The following LPAR1 variants were observed in gnomAD, a reference collection of about 807,000 sequenced individuals.
LPAR1 encodes the protein LPA receptor 1.
A neutral mutation model predicts 23.8 loss-of-function variants in LPAR1; 5 were observed. That is an observed-to-expected ratio of 0.21 (90% CI 0.11 to 0.44). The LOEUF (loss-of-function observed/expected upper bound fraction) is 0.44. Among genes scored for constraint, LPAR1 ranks in the 20% least tolerant of loss-of-function variants. The pLI is 0.99. For missense variants in LPAR1, 311 were observed against 482.8 expected (o/e 0.64, Z 3.33); for synonymous variants, 160 against 164.7 (o/e 0.97, Z 0.22).
rs2078794270 is a variant in LPAR1 at position 110,875,152 on chromosome 9, C to T, written c.*269G>A. 1 of 366,262 alleles carries T rather than the reference C, an allele frequency of 2.7e-6. No homozygotes were observed. 22.7% of individuals were successfully genotyped at this position (366,262 alleles called of 1,614,324 possible). On this transcript the variant is annotated 3_prime_UTR_variant, in exon 6 of 6. Coordinates refer to ENST00000683809, the MANE Select transcript of LPAR1 (RefSeq NM_001351411.2). ...GTTAGTGTAGTCTAAATGGACACTCCAGAGTCTGTTCTTGAATTCCATTGC... is the reference window on the plus strand; with the variant it reads ...GTTAGTGTAGTCTAAATGGACACTCTAGAGTCTGTTCTTGAATTCCATTGC...
chr9:110,875,334 A>C lies in LPAR1; in HGVS notation c.*87T>G, dbSNP rs1441181875. 4 of 1,199,002 alleles carry C rather than the reference A, an allele frequency of 3.3e-6. No individual in the cohort carries two copies. Among genetic ancestry groups the C allele is most frequent in the Non-Finnish European group, 4.6e-6 (4 of 868,510 alleles). 74.3% of individuals were successfully genotyped at this position (1,199,002 alleles called of 1,614,324 possible). A position where few individuals can be genotyped will look rare whatever the true frequency, so the allele number is the denominator to read the frequency against. On this transcript the variant is annotated 3_prime_UTR_variant, in exon 6 of 6. Coordinates refer to ENST00000683809, the MANE Select transcript of LPAR1 (RefSeq NM_001351411.2). ...CATGAGTTGACTTTTCTCCTCTCTCACACCCCACCTTGCCCTGGCAATTGG... is the reference window on the plus strand; with the variant it reads ...CATGAGTTGACTTTTCTCCTCTCTCCCACCCCACCTTGCCCTGGCAATTGG...
chr9:110,928,744 T>C (rs977302154), intron 5 of LPAR1, among the ~76,000 whole-genome samples: 2 of 151,994 alleles, frequency 1.3e-5, no homozygotes, highest in Non-Finnish European at 2.9e-5. Flanking sequence ...TACAAAGGAG[T>C]ACCACGTGCT....
intron 2 of LPAR1, among the ~76,000 whole-genome samples, chr9:111,033,314 A>G (rs902838069): frequency 2.0e-5 from 3 of 152,168 alleles, no homozygotes; most frequent in African/African-American, 7.2e-5. Flanking sequence ...AAAATGCCAA[A>G]GAGTTTAAAT....
At chr9:110,991,872 C>T (rs1372970544) in intron 2 of LPAR1, among the ~76,000 whole-genome samples, 2 of 152,042 alleles carry the variant, frequency 1.3e-5, no homozygotes, top group African/African-American at 4.8e-5. Flanking sequence ...GGATTACAGG[C>T]GTGAGCCACC....
chr9:110,951,117 C>T (rs2095557040), intron 4 of LPAR1, among the ~76,000 whole-genome samples: 1 of 152,112 alleles, frequency 6.6e-6, no homozygotes, highest in South Asian at 2.1e-4. Flanking sequence ...AATGACGTAT[C>T]TGTTCATTCA....
chr9:111,025,748 T>G (rs1166428816), intron 2 of LPAR1, among the ~76,000 whole-genome samples: 1 of 152,210 alleles, frequency 6.6e-6, no homozygotes, highest in Non-Finnish European at 1.5e-5. Context: ...GGGGTCCAGT[T>G]TCACTTTTCT....
chr9:110,885,502 TC>T (rs1370821507), intron 5 of LPAR1, among the ~76,000 whole-genome samples: 2 of 152,174 alleles, frequency 1.3e-5, no homozygotes, highest in African/African-American at 4.8e-5. Context: ...AGAATAATGT[TC>T]CAAAAATATG....
intron 5 of LPAR1, among the ~76,000 whole-genome samples, chr9:110,900,891 T>C (rs1000228242): frequency 1.3e-5 from 2 of 152,226 alleles, no homozygotes; most frequent in Non-Finnish European, 2.9e-5. Context: ...TTTTAGATTT[T>C]TGCTCATATG....
intron 2 of LPAR1, among the ~76,000 whole-genome samples, chr9:111,028,135 T>TTC (rs1320380562): frequency 6.6e-6 from 1 of 151,202 alleles, no homozygotes; most frequent in African/African-American, 2.4e-5. Context: ...AATAAGAATT[T>TTC]TTTTTTTTTT....
intron 2 of LPAR1, among the ~76,000 whole-genome samples, chr9:111,023,371 A>G (rs2097603932): frequency 6.6e-6 from 1 of 152,170 alleles, no homozygotes; most frequent in Admixed American, 6.5e-5. Flanking sequence ...CAGAGTTAAC[A>G]CATTCTCATC....
At chr9:111,011,343 A>G (rs2097327904) in intron 2 of LPAR1, among the ~76,000 whole-genome samples, 1 of 152,146 alleles carries the variant, frequency 6.6e-6, no homozygotes, top group African/African-American at 2.4e-5. Context: ...TGCAGAATCT[A>G]TTCTCTATGT....
chr9:110,957,408 A>G (rs2095800923), intron 4 of LPAR1, among the ~76,000 whole-genome samples: 1 of 152,070 alleles, frequency 6.6e-6, no homozygotes, highest in Non-Finnish European at 1.5e-5. Flanking sequence ...AGTAGGATTT[A>G]TCCCATGGAT....
chr9:111,035,236 T>G (rs2097871073), intron 2 of LPAR1, among the ~76,000 whole-genome samples: 1 of 152,170 alleles, frequency 6.6e-6, no homozygotes, highest in Non-Finnish European at 1.5e-5. Context: ...AAGATTTTTT[T>G]TTTTAAGAGA....
chr9:110,985,565 C>CTTA (rs2096763127), intron 2 of LPAR1, among the ~76,000 whole-genome samples: 1 of 151,978 alleles, frequency 6.6e-6, no homozygotes, highest in African/African-American at 2.4e-5. Context: ...TCATGATGGG[C>CTTA]CAGGTCAGGT....
At chr9:110,889,727 T>C (rs551069583) in intron 5 of LPAR1, among the ~76,000 whole-genome samples, 3 of 152,296 alleles carry the variant, frequency 2.0e-5, no homozygotes, top group East Asian at 3.9e-4. Context: ...GCTGTACAAA[T>C]AGCATATTGT....
chr9:111,009,224 T>C (rs1311921131), intron 2 of LPAR1, among the ~76,000 whole-genome samples: 2 of 152,130 alleles, frequency 1.3e-5, no homozygotes, highest in African/African-American at 2.4e-5. Flanking sequence ...AAACACAGTA[T>C]TTCAAATTAG....
At chr9:111,034,186 T>G (rs1345725533) in intron 2 of LPAR1, among the ~76,000 whole-genome samples, 1 of 152,230 alleles carries the variant, frequency 6.6e-6, no homozygotes, top group Non-Finnish European at 1.5e-5. Context: ...CTACTTGGCT[T>G]CCCTCTCTCC....
intron 4 of LPAR1, among the ~76,000 whole-genome samples, chr9:110,970,589 T>C (rs759490695): frequency 3.9e-5 from 6 of 151,978 alleles, no homozygotes; most frequent in African/African-American, 7.2e-5. Context: ...CCAAGGTTGA[T>C]AACAATGATG....
chr9:110,888,592 T>C (rs979320390), intron 5 of LPAR1, among the ~76,000 whole-genome samples: 2 of 150,944 alleles, frequency 1.3e-5, no homozygotes, highest in Admixed American at 6.6e-5. Flanking sequence ...TCTGCCTTCA[T>C]TGAGTTTAGG....
Sources: allele counts gnomAD v4.1 joint callset (sites outside exome capture counted in the v4.1 genomes callset), GRCh38; gene constraint gnomAD v4.1.1; transcripts MANE v1.5; gene names NCBI Gene and HGNC (gene_info 2026-07-23, HGNC 2026-07-21).